Variants in TAS2R1 observed in about 807,000 individuals in gnomAD.
TAS2R1 encodes the protein taste receptor type 2 member 1.
For synonymous variants in TAS2R1, 141 were observed against 134.2 expected, an observed-to-expected ratio of 1.05 and a Z score of -0.35; for missense variants, 370 against 353.4, an observed-to-expected ratio of 1.05 and a Z score of -0.38.
intron 1 of TAS2R1, among the ~76,000 whole-genome samples, chr5:9,679,113 C>T (rs149032447): frequency 3.3e-4 from 51 of 152,248 alleles, no homozygotes; most frequent in African/African-American, 1.2e-3. Context: ...ACTGCAAATG[C>T]TACATCGTGT....
intron 2 of TAS2R1, among the ~76,000 whole-genome samples, chr5:9,646,857 A>G (rs544503642): frequency 1.3e-5 from 2 of 152,290 alleles, no homozygotes; most frequent in Non-Finnish European, 1.5e-5. Flanking sequence ...GTGGGTAAAG[A>G]TAGGGATGCT....
At chr5:9,899,716 A>T in the TAS2R1 span, among the ~76,000 whole-genome samples, 1 of 152,000 alleles carries the variant, frequency 6.6e-6, no homozygotes, top group African/African-American at 2.4e-5. Flanking sequence ...GACTCTATGT[A>T]AATAGATATG....
chr5:9,745,763 T>C, the TAS2R1 span, among the ~76,000 whole-genome samples: 3 of 151,998 alleles, frequency 2.0e-5, no homozygotes, highest in African/African-American at 7.3e-5. Context: ...ATACAAAAAT[T>C]AATTCAAGGT....
chr5:9,714,847 T>C (rs1194954554), upstream of TAS2R1, among the ~76,000 whole-genome samples: 4 of 152,246 alleles, frequency 2.6e-5, no homozygotes, highest in Non-Finnish European at 5.9e-5. Context: ...ATACATGCAA[T>C]ATGTGTGCAA....
the TAS2R1 span, among the ~76,000 whole-genome samples, chr5:9,734,456 ATGTT>A: frequency 6.6e-6 from 1 of 152,148 alleles, no homozygotes; most frequent in Non-Finnish European, 1.5e-5. Context: ...AGCCAAAATG[ATGTT>A]TGTTTGAGAA....
chr5:9,863,300 C>T, the TAS2R1 span, among the ~76,000 whole-genome samples: 12 of 145,018 alleles, frequency 8.3e-5, no homozygotes, highest in Non-Finnish European at 1.8e-4. Context: ...TGGAGTCTCG[C>T]TCTATCGCCC....
At chr5:9,862,458 C>A in the TAS2R1 span, among the ~76,000 whole-genome samples, 1 of 152,232 alleles carries the variant, frequency 6.6e-6, no homozygotes, top group South Asian at 2.1e-4. Flanking sequence ...GTGCATCAGA[C>A]CGCACAGAGC....
the TAS2R1 span, among the ~76,000 whole-genome samples, chr5:9,721,656 A>T: frequency 1.3e-5 from 2 of 152,214 alleles, no homozygotes; most frequent in Admixed American, 6.5e-5. Context: ...TGACAACTGC[A>T]AGTGATATTG....
the TAS2R1 span, chr5:9,903,425 A>T: frequency 6.6e-6 from 1 of 152,006 alleles, no homozygotes; most frequent in South Asian, 2.1e-4. Flanking sequence ...TGCAGCCATC[A>T]CCTAAGCAGT....
At chr5:9,853,265 C>A in the TAS2R1 span, among the ~76,000 whole-genome samples, 2 of 152,296 alleles carry the variant, frequency 1.3e-5, no homozygotes, top group South Asian at 4.1e-4. Context: ...GGCAGTGTTA[C>A]AGCTTCGTGA....
intron 1 of TAS2R1, among the ~76,000 whole-genome samples, chr5:9,691,882 C>G (rs1741254771): frequency 6.6e-6 from 1 of 152,196 alleles, no homozygotes; most frequent in South Asian, 2.1e-4. Context: ...AGAATCAGGT[C>G]TGGGCAGATC....
intron 1 of TAS2R1, among the ~76,000 whole-genome samples, chr5:9,686,899 AG>A (rs1258107196): frequency 6.6e-6 from 1 of 152,320 alleles, no homozygotes; most frequent in South Asian, 2.1e-4. Context: ...AAGTGAAAAT[AG>A]TAATTATAAC....
chr5:9,872,975 G>A, the TAS2R1 span, among the ~76,000 whole-genome samples: 579 of 152,242 alleles, frequency 3.8e-3, 4 homozygotes, highest in Non-Finnish European at 5.1e-3. Flanking sequence ...AGGATTTAGG[G>A]TGCATTAGAA....
At chr5:9,813,156 A>G in the TAS2R1 span, among the ~76,000 whole-genome samples, 4 of 152,330 alleles carry the variant, frequency 2.6e-5, no homozygotes, top group Non-Finnish European at 5.9e-5. Context: ...GGACACAGAG[A>G]TACCCATAGA....
upstream of TAS2R1, among the ~76,000 whole-genome samples, chr5:9,714,987 T>G (rs373200485): frequency 1.3e-5 from 2 of 152,272 alleles, no homozygotes; most frequent in Admixed American, 6.5e-5. Flanking sequence ...CAATGGGGAA[T>G]TGATGTGGAT....
chr5:9,785,524 T>G, the TAS2R1 span, among the ~76,000 whole-genome samples: 6 of 152,344 alleles, frequency 3.9e-5, no homozygotes, highest in East Asian at 1.2e-3. Context: ...TTGTGGAGAT[T>G]TGATAGCTGT....
At chr5:9,679,501 C>T (rs1740953443) in intron 1 of TAS2R1, among the ~76,000 whole-genome samples, 1 of 152,134 alleles carries the variant, frequency 6.6e-6, no homozygotes, top group African/African-American at 2.4e-5. Flanking sequence ...TGAGTAAAGT[C>T]TATGAAACAA....
the TAS2R1 span, among the ~76,000 whole-genome samples, chr5:9,861,037 G>GTTTTTTTTTTTTTTTTTTTTT: frequency 9.1e-3 from 805 of 88,238 alleles, 77 homozygotes; most frequent in Non-Finnish European, 0.011. Flanking sequence ...GGAAGATGAG[G>GTTTTTTTTTTTTTTTTTTTTT]TTTTTTTTTT....
the TAS2R1 span, among the ~76,000 whole-genome samples, chr5:9,891,256 A>G: frequency 6.6e-6 from 1 of 152,238 alleles, no homozygotes; most frequent in Admixed American, 6.5e-5. Context: ...GCCATCTTCT[A>G]TTAAGCAGGA....
Sources: allele counts gnomAD v4.1 joint callset (sites outside exome capture counted in the v4.1 genomes callset), GRCh38; gene constraint gnomAD v4.1.1; transcripts MANE v1.5; gene names NCBI Gene and HGNC (gene_info 2026-07-23, HGNC 2026-07-21).